Variants in FAM184A observed in about 807,000 individuals in gnomAD.
FAM184A encodes protein FAM184A.
Under a neutral mutation model 143.8 loss-of-function variants are expected in FAM184A, and 99 were observed. The ratio of observed to expected loss-of-function variants is 0.69; its 90% CI spans 0.58 to 0.81. FAM184A has a LOEUF of 0.81. FAM184A is among the 40% of genes least tolerant of loss of function. The pLI is 0.00. For synonymous variants in FAM184A, 427 were observed against 446.4 expected, an observed-to-expected ratio of 0.96 and a Z score of 0.55; for missense variants, 1,217 against 1,310.5, an observed-to-expected ratio of 0.93 and a Z score of 1.10.
rs538524438 is a variant in FAM184A, at chr6:119,059,028, G to C, written c.159+19113C>G. On this transcript the variant is annotated intron_variant, in intron 1 of 17. Transcript: ENST00000338891. ...GGTCTTGTTCTGCTAACAGGGCCTT[G>C]CTCTGTTGCCCAGGCTGGAGTGCAC... Among the ~76,000 whole-genome samples the C allele has an allele frequency of 3.3e-5, 5 of 151,586 alleles. 1 individual carries two copies. The highest frequency in any genetic ancestry group is 4.8e-5 in the African/African-American group (2 of 41,266).
At position 118,991,908 on chromosome 6, in the gene FAM184A, G is replaced by A. The variant is rs149301546; in HGVS notation, c.2088+10991C>T. ...CTCCCAAGTAGCTGGGACTACAGGC[G>A]CTGGCCACCACGCCCGGCTAATTTT... On this transcript the variant is annotated intron_variant, in intron 9 of 17. Coordinates refer to ENST00000338891, the MANE Select transcript of FAM184A (RefSeq NM_024581.6). 7.4e-3 allele frequency among the ~76,000 whole-genome samples: 1,129 copies of A among 151,628 alleles called. 6 individuals carry two copies. Among genetic ancestry groups the A allele is most frequent in the Middle Eastern group, 0.024 (7 of 292 alleles).
chr6:119,047,813 T>C (rs922783453), intron 1 of FAM184A, among the ~76,000 whole-genome samples: 1 of 152,134 alleles, frequency 6.6e-6, no homozygotes, highest in African/African-American at 2.4e-5. Context: ...AAAGAGCTGG[T>C]ACCATTCCTA....
intron 5 of FAM184A, among the ~76,000 whole-genome samples, chr6:119,013,735 A>T (rs1785159007): frequency 6.6e-6 from 1 of 152,196 alleles, no homozygotes; most frequent in East Asian, 1.9e-4. Context: ...GTTTTATTTG[A>T]ATTTTAAATT....
At chr6:119,094,731 G>A (rs763412200) in intron 1 of FAM184A, among the ~76,000 whole-genome samples, 1 of 151,530 alleles carries the variant, frequency 6.6e-6, no homozygotes, top group African/African-American at 2.4e-5. Context: ...AGGAATGAAG[G>A]AGTAAGCTTA....
chr6:119,005,154 C>A (rs1415811229), intron 7 of FAM184A: 1 of 152,006 alleles, frequency 6.6e-6, no homozygotes. Context: ...AGATTATAGT[C>A]AATATATTTG....
chr6:118,967,112 G>A (rs1227960904), intron 14 of FAM184A, among the ~76,000 whole-genome samples, 160 bp from the exon 15 acceptor site: 1 of 152,152 alleles, frequency 6.6e-6, no homozygotes, highest in African/African-American at 2.4e-5. Context: ...ACTGCTTCAA[G>A]AGCAGTAGTT....
chr6:119,010,642 T>C (rs1785060653), intron 6 of FAM184A, among the ~76,000 whole-genome samples: 1 of 152,182 alleles, frequency 6.6e-6, no homozygotes, highest in Non-Finnish European at 1.5e-5. Flanking sequence ...TTTTTAAATT[T>C]TGCTTATGGT....
intron 1 of FAM184A, among the ~76,000 whole-genome samples, chr6:119,065,522 C>T (rs773407501): frequency 2.0e-5 from 3 of 152,174 alleles, no homozygotes; most frequent in African/African-American, 7.2e-5. Context: ...GTAACTAACA[C>T]GTGTCCTTCC....
At chr6:119,026,829 G>C (rs1251518117) in intron 1 of FAM184A, among the ~76,000 whole-genome samples, 1 of 151,814 alleles carries the variant, frequency 6.6e-6, no homozygotes, top group Non-Finnish European at 1.5e-5. Context: ...AAATTTTTTT[G>C]TTTGACATTC....
chr6:119,111,061 C>T (rs1420967889), intron 1 of FAM184A, among the ~76,000 whole-genome samples: 5 of 152,192 alleles, frequency 3.3e-5, no homozygotes, highest in African/African-American at 1.2e-4. Context: ...ATTGAAGTTT[C>T]TATTTGTACA....
chr6:119,137,295 T>C (rs1193616743), intron 1 of FAM184A, among the ~76,000 whole-genome samples: 1 of 145,528 alleles, frequency 6.9e-6, no homozygotes, highest in Admixed American at 6.8e-5. Context: ...TGCTTGTGTG[T>C]GTGTGCACGC....
Position 119,078,410 on chromosome 6 carries a change from C to G in FAM184A, c.-111G>C, listed in dbSNP as rs1787957390. 2.7e-6 allele frequency: 3 copies of G among 1,125,980 alleles called. No homozygotes were observed. The highest frequency in any genetic ancestry group is 6.4e-5 in the East Asian group (2 of 31,180). The allele number at this position is 1,125,980 out of a possible 1,614,324, so 69.7% of individuals were successfully genotyped here. ...CGGCGGCCGCTTCCCGACCCGACAC[C>G]CGGCGCCCCCCAGACTCGGCCGCAG... is the stretch of plus-strand genomic sequence containing the variant. On this transcript the variant is annotated 5_prime_UTR_variant, in exon 1 of 18. Transcript: ENST00000338891. The surrounding 1 kb of genome is among the most constrained non-coding windows in gnomAD (Gnocchi z 5.5).
chr6:119,078,161 T>C lies in FAM184A; in HGVS notation c.139A>G (p.Lys47Glu). The C allele has an allele frequency of 1.3e-6, 2 of 1,593,326 alleles. No homozygotes were observed. The highest frequency in any genetic ancestry group is 1.7e-6 in the Non-Finnish European group (2 of 1,171,562). Residue 47 changes from lysine to glutamate, a missense_variant, in exon 1 of 18, where the codon AAA becomes GAA. Coordinates refer to ENST00000338891, the MANE Select transcript of FAM184A (RefSeq NM_024581.6). This position sits in a 1 kb window ranked among gnomAD's most constrained non-coding sequence, Gnocchi z 5.5. The stretch of plus-strand genomic sequence containing the variant: ...CTTACCTTGGTGAGCTGGGCGATTT[T>C]CTTGCTCATTTTCAGGTGCATCTCC... ...SQEMHLKMSKKIAQLTKVIYA... is the reference protein window; with the variant it reads ...SQEMHLKMSKEIAQLTKVIYA...
Position 118,964,788 on chromosome 6 carries a change from TA to T in FAM184A, c.3034-18del. 2 of 1,296,466 alleles carry T rather than the reference TA, an allele frequency of 1.5e-6. No homozygotes were observed. The highest frequency in any genetic ancestry group is 1.5e-5 in the African/African-American group (1 of 67,712). 80.3% of individuals were successfully genotyped at this position (1,296,466 alleles called of 1,614,324 possible). On this transcript the variant is annotated intron_variant, in intron 15 of 17. Coordinates refer to ENST00000338891, the MANE Select transcript of FAM184A (RefSeq NM_024581.6). ...ATTATCCTCCTATGCAAAAGAATTA[TA>T]AACATCTTTTAAATATTTTCTATGG...
At chr6:119,129,646 C>A (rs1293169560) in intron 1 of FAM184A, among the ~76,000 whole-genome samples, 1 of 150,660 alleles carries the variant, frequency 6.6e-6, no homozygotes, top group Non-Finnish European at 1.5e-5. Flanking sequence ...TCTAGGGGTT[C>A]TCAAAGTGAG....
intron 16 of FAM184A, chr6:118,963,753 A>T (rs1169889748): frequency 1.3e-5 from 2 of 151,866 alleles, no homozygotes; most frequent in Non-Finnish European, 2.9e-5. Flanking sequence ...CATAATTCCT[A>T]TGAAGCCAAT....
intron 1 of FAM184A, among the ~76,000 whole-genome samples, chr6:119,071,826 A>G (rs190483670): frequency 6.6e-6 from 1 of 150,434 alleles, no homozygotes; most frequent in Non-Finnish European, 1.5e-5. Flanking sequence ...TGAGAGGGTC[A>G]GCCTGGTCAC....
rs1394874928 is a variant in FAM184A at position 119,024,713 on chromosome 6, G to T, written c.260C>A (p.Thr87Lys). The change falls in exon 2 of 18, where the codon ACA becomes AAA. Residue 87 changes from threonine to lysine, a missense_variant. Physicochemically the swap from Thr to Lys is moderately conservative, Grantham distance 78. Coordinates refer to ENST00000338891, the MANE Select transcript of FAM184A (RefSeq NM_024581.6). Reference sequence around the variant, plus strand: ...TTTATACTGCAATATTTTTTCTCTTGTTTCAGCAAGAATTTGTTGAATTTC... The same window carrying T: ...TTTATACTGCAATATTTTTTCTCTTTTTTCAGCAAGAATTTGTTGAATTTC... ...EEEIQQILAE[T>K]REKILQYKSK... The T allele has an allele frequency of 6.2e-7, 1 of 1,613,570 alleles. No individual in the cohort carries two copies. The highest frequency in any genetic ancestry group is 8.5e-7 in the Non-Finnish European group (1 of 1,179,950).
At chr6:119,044,924 T>C (rs1786471374) in intron 1 of FAM184A, among the ~76,000 whole-genome samples, 1 of 152,188 alleles carries the variant, frequency 6.6e-6, no homozygotes, top group Admixed American at 6.5e-5. Context: ...ATTTATGGAG[T>C]TGGTCTGTAC....
Sources: gnomAD v4.1 joint callset for allele counts (sites outside exome capture counted in the v4.1 genomes callset) on GRCh38, gnomAD v4.1.1 for gene constraint, Gnocchi (gnomAD v3.1) non-coding constraint, MANE v1.5 for transcripts, NCBI Gene and HGNC (gene_info 2026-07-23, HGNC 2026-07-21) for gene names.